The following COL11A1 variants were observed in gnomAD, a reference collection of about 807,000 sequenced individuals.
COL11A1 encodes collagen alpha-1(XI) chain.
COL11A1 carries 74 observed loss-of-function variants against 265.2 expected under a neutral mutation model. That is an observed-to-expected ratio of 0.28 (90% CI 0.23 to 0.34). The LOEUF is 0.34. Among genes scored for constraint, COL11A1 ranks in the 10% least tolerant of loss-of-function variants. The pLI is 1.00. For synonymous variants in COL11A1, 816 were observed against 727.6 expected (o/e 1.12, Z -1.96); for missense variants, 2,165 against 2,263.6 (o/e 0.96, Z 0.88).
chr1:102,991,417 C>G (rs149949874), intron 28 of COL11A1, among the ~76,000 whole-genome samples: 1 of 145,728 alleles, frequency 6.9e-6, no homozygotes, highest in East Asian at 2.3e-4. Context: ...TGCTAATAAT[C>G]AATATAAGGC....
chr1:102,933,753 G>A (rs1458532952), intron 46 of COL11A1, among the ~76,000 whole-genome samples: 7 of 152,146 alleles, frequency 4.6e-5, no homozygotes, highest in Admixed American at 6.5e-5. Flanking sequence ...CTCCGTGGGC[G>A]TAGGACCCTC....
intron 4 of COL11A1, among the ~76,000 whole-genome samples, chr1:103,049,781 G>T (rs1018905334): frequency 7.2e-5 from 11 of 152,142 alleles, no homozygotes; most frequent in African/African-American, 2.7e-4. Flanking sequence ...AGGAGCTCTT[G>T]TAGGGTAGGC....
At chr1:102,979,172 G>A in intron 32 of COL11A1, 68 bp from the exon 33 acceptor site, 1 of 1,409,272 alleles carries the variant, frequency 7.1e-7, no homozygotes, top group Non-Finnish European at 1.0e-6. Context: ...TGCTGAGACT[G>A]AGTAGTCATG....
intron 44 of COL11A1, among the ~76,000 whole-genome samples, chr1:102,935,380 C>A (rs1289233184): frequency 6.6e-6 from 1 of 152,140 alleles, no homozygotes; most frequent in African/African-American, 2.4e-5. Flanking sequence ...AGATAGATTT[C>A]TATGCTATCA....
chr1:102,944,082 G>A (rs973114321), intron 42 of COL11A1, among the ~76,000 whole-genome samples: 1 of 152,038 alleles, frequency 6.6e-6, no homozygotes, highest in Admixed American at 6.6e-5. Context: ...AGGAAGCAGG[G>A]TTGATGGGTA....
chr1:102,914,992 C>T (rs1570715418), intron 50 of COL11A1, among the ~76,000 whole-genome samples, 181 bp from the exon 51 acceptor site: 1 of 152,068 alleles, frequency 6.6e-6, no homozygotes, highest in Non-Finnish European at 1.5e-5. Flanking sequence ...GCAACCTCTG[C>T]CTCCCAGGTT....
intron 36 of COL11A1, among the ~76,000 whole-genome samples, chr1:102,971,915 G>A (rs1662013957): frequency 6.6e-6 from 1 of 151,968 alleles, no homozygotes; most frequent in African/African-American, 2.4e-5. Context: ...AAACATTCTT[G>A]GATGTCATTT....
intron 1 of COL11A1, among the ~76,000 whole-genome samples, chr1:103,095,647 C>T (rs759957184): frequency 5.6e-4 from 85 of 152,038 alleles, no homozygotes; most frequent in Non-Finnish European, 1.1e-3. Context: ...AAATTATCCC[C>T]CATACCCACT....
chr1:103,092,260 T>A (rs1359909040), intron 1 of COL11A1, among the ~76,000 whole-genome samples: 1 of 152,092 alleles, frequency 6.6e-6, no homozygotes, highest in African/African-American at 2.4e-5. Context: ...ATACATAAAT[T>A]TAAAACACAT....
intron 3 of COL11A1, 125 bp from the exon 4 acceptor site, chr1:103,074,905 G>T: frequency 1.8e-6 from 2 of 1,135,442 alleles, no homozygotes; most frequent in Admixed American, 3.9e-5. Context: ...AAAAATGTAG[G>T]CTCATTTATT....
rs200165437 is a variant in COL11A1 at position 102,965,038 on chromosome 1, TAAGA to T, written c.2916+445_2916+448del. On this transcript the variant is annotated intron_variant, in intron 38 of 66. Coordinates refer to ENST00000370096, the MANE Select transcript of COL11A1 (RefSeq NM_001854.4). ...TTCATTATTATGAAGGCAAAAATCT[TAAGA>T]AACACCTAATATGTTACAAATATTA... Among the ~76,000 whole-genome samples, 831 of 152,294 alleles carry T rather than the reference TAAGA, an allele frequency of 5.5e-3. 13 individuals are homozygous for T. The highest frequency in any genetic ancestry group is 0.019 in the African/African-American group (785 of 41,566).
At chr1:103,054,517 A>G (rs1571167312) in intron 4 of COL11A1, among the ~76,000 whole-genome samples, 1 of 152,126 alleles carries the variant, frequency 6.6e-6, no homozygotes, top group East Asian at 1.9e-4. Flanking sequence ...TCCTATGTTA[A>G]CCATATCTGT....
chr1:102,975,329 C>T (rs561528688), intron 35 of COL11A1, among the ~76,000 whole-genome samples: 5 of 151,192 alleles, frequency 3.3e-5, no homozygotes, highest in African/African-American at 7.3e-5. Context: ...TGTATCTAGC[C>T]GTATATTCCA....
chr1:103,030,283 A>G (rs1437884621), intron 5 of COL11A1, among the ~76,000 whole-genome samples: 1 of 152,068 alleles, frequency 6.6e-6, no homozygotes, highest in Non-Finnish European at 1.5e-5. Context: ...ATATCAGTGC[A>G]ACAGAATTCA....
chr1:102,888,235 A>T (rs1651254164), intron 62 of COL11A1, among the ~76,000 whole-genome samples: 1 of 152,190 alleles, frequency 6.6e-6, no homozygotes, highest in Non-Finnish European at 1.5e-5. Flanking sequence ...AATGTGAAGC[A>T]TCTGAATTTT....
chr1:103,002,751 T>G lies in COL11A1; in HGVS notation c.2039A>C (p.Asn680Thr). The change falls in exon 22 of 67, where the codon AAC becomes ACC. Residue 680 changes from asparagine (N) to threonine (T), a missense_variant. Asn to Thr is a moderately conservative substitution (Grantham distance 65). Transcript: ENST00000370096. Reference protein sequence around the residue: ...GVDGPPGPKGNMGPQGEPGPP... With the variant: ...GVDGPPGPKGTMGPQGEPGPP... ...TTATCACTATTTGCTACATACCATG[T>G]TCCCTTTTGGTCCTGGGGGGCCATC... 1.2e-6 allele frequency: 2 copies of G among 1,612,660 alleles called. No homozygotes were observed. The highest frequency in any genetic ancestry group is 1.7e-6 in the Non-Finnish European group (2 of 1,178,740).
chr1:103,097,776 T>A (rs754045000), intron 1 of COL11A1, among the ~76,000 whole-genome samples: 25 of 151,998 alleles, frequency 1.6e-4, no homozygotes, highest in Non-Finnish European at 3.1e-4. Context: ...AATAAGTAAA[T>A]GAATGATTGC....
intron 41 of COL11A1, among the ~76,000 whole-genome samples, chr1:102,952,497 A>G (rs1001627342): frequency 2.0e-5 from 3 of 152,206 alleles, no homozygotes; most frequent in Non-Finnish European, 4.4e-5. Flanking sequence ...TGCTTGTGGA[A>G]GCTGCATTAA....
At chr1:103,096,411 C>T (rs999887396) in intron 1 of COL11A1, among the ~76,000 whole-genome samples, 1 of 151,896 alleles carries the variant, frequency 6.6e-6, no homozygotes, top group African/African-American at 2.4e-5. Flanking sequence ...GCTGGAACAT[C>T]ATGATTGATT....
Sources: allele counts gnomAD v4.1 joint callset (sites outside exome capture counted in the v4.1 genomes callset), GRCh38; gene constraint gnomAD v4.1.1; transcripts MANE v1.5; gene names NCBI Gene and HGNC (gene_info 2026-07-23, HGNC 2026-07-21).